CRLF2: variants seen among roughly 807,000 people sequenced by gnomAD.
The protein encoded by CRLF2 is cytokine receptor like factor 2.
Under a neutral mutation model 38.7 loss-of-function variants are expected in CRLF2, and 41 were observed. The observed-to-expected ratio is 1.06, with a 90% confidence interval of 0.83 to 1.37. CRLF2 has a LOEUF of 1.37. CRLF2 is among the 40% of genes most tolerant of loss of function. CRLF2 has a pLI of 0.00. For missense variants in CRLF2, 377 were observed against 322.2 expected (o/e 1.17, Z -1.30); for synonymous variants, 140 against 128.8 (o/e 1.09, Z -0.59).
At chrX:1,196,274 G>A (rs1461387465) in intron 6 of CRLF2, among the ~76,000 whole-genome samples, 3 of 147,120 alleles carry the variant, frequency 2.0e-5, no homozygotes, top group Admixed American at 7.0e-5. Context: ...AGCAAGCTCC[G>A]ACTCCCAGGT....
At chrX:1,192,442 C>G (rs2086400960) in intron 7 of CRLF2, among the ~76,000 whole-genome samples, 2 of 151,208 alleles carry the variant, frequency 1.3e-5, no homozygotes, top group African/African-American at 2.4e-5. Flanking sequence ...GTGAAAAAAC[C>G]CATCTGTACT....
intron 3 of CRLF2, 95 bp from the exon 4 acceptor site, chrX:1,202,630 C>T: frequency 7.4e-7 from 1 of 1,346,302 alleles, no homozygotes; most frequent in South Asian, 1.2e-5. Flanking sequence ...TACCCCTCCT[C>T]CCCTTAATAC....
Position 1,208,738 on chromosome X carries a change from C to T in CRLF2, c.182+68G>A, listed in dbSNP as rs1459266750. ...ACTTTTGTTCTCAAGCATTCCCAATCGCTGACGGCTCAGAAGAGCGATTTT... is the reference window on the plus strand; with the variant it reads ...ACTTTTGTTCTCAAGCATTCCCAATTGCTGACGGCTCAGAAGAGCGATTTT... On this transcript the variant is annotated intron_variant, in intron 2 of 7. Coordinates refer to ENST00000400841, the MANE Select transcript of CRLF2 (RefSeq NM_022148.4). 8.7e-6 allele frequency: 8 copies of T among 918,188 alleles called. No individual in the cohort carries two copies. In the South Asian group the frequency reaches 9.1e-5, roughly 10 times the overall value. The allele number at this position is 918,188 out of a possible 1,614,324, so 56.9% of individuals were successfully genotyped here.
chrX:1,210,860 A>G (rs1273708202), intron 1 of CRLF2, among the ~76,000 whole-genome samples: 14 of 152,146 alleles, frequency 9.2e-5, no homozygotes, highest in African/African-American at 3.4e-4. Flanking sequence ...GTGGAAGACA[A>G]GTGGATGGGT....
chrX:1,209,493 G>A (rs1188020712), intron 1 of CRLF2, among the ~76,000 whole-genome samples: 1 of 150,644 alleles, frequency 6.6e-6, no homozygotes, highest in Non-Finnish European at 1.5e-5. Context: ...CACCATGCCT[G>A]GATAATTTTT....
intron 7 of CRLF2, among the ~76,000 whole-genome samples, 178 bp from the exon 8 acceptor site, chrX:1,191,338 TTTCTTTCC>T (rs1232130583): frequency 0.011 from 1,243 of 111,520 alleles, 72 homozygotes; most frequent in African/African-American, 0.034. Context: ...TCTTTCTTTC[TTTCTTTCC>T]TTCTTTCTTT....
intron 7 of CRLF2, among the ~76,000 whole-genome samples, 177 bp from the exon 8 acceptor site, chrX:1,191,337 C>CTTTCTTTCTTTCTTTCTTTCTTTCTT (rs2086374038): frequency 8.6e-6 from 1 of 115,726 alleles, no homozygotes; most frequent in Admixed American, 9.7e-5. Flanking sequence ...TTCTTTCTTT[C>CTTTCTTTCTTTCTTTCTTTCTTTCTT]TTTCTTTCCT....
At chrX:1,210,529 C>T (rs1248455588) in intron 1 of CRLF2, among the ~76,000 whole-genome samples, 1 of 152,050 alleles carries the variant, frequency 6.6e-6, no homozygotes, top group Admixed American at 6.6e-5. Context: ...CCAGGATGGT[C>T]TCCATCTCCT....
rs537641113 is a variant in CRLF2 at position 1,197,300 on chromosome X, T to A, written c.647-400A>T. Among the ~76,000 whole-genome samples, 131 of 151,420 alleles carry A rather than the reference T, an allele frequency of 8.7e-4. No individual in the cohort carries two copies. In the South Asian group the frequency reaches 0.026, roughly 30 times the overall value. On this transcript the variant is annotated intron_variant, in intron 5 of 7. Coordinates refer to ENST00000400841, the MANE Select transcript of CRLF2 (RefSeq NM_022148.4). ...TAGAGATGGACCTATTTTTTTTTTT[T>A]AATGAATGTTAGTGTCAGCAAATTT...
At chrX:1,196,683 G>A in intron 6 of CRLF2, 97 bp downstream of exon 6, 1 of 1,461,182 alleles carries the variant, frequency 6.8e-7, no homozygotes, top group African/African-American at 1.4e-5. Context: ...CTGAGGCCCA[G>A]GGAAATGACT....
Position 1,198,620 on chromosome X carries a change from TG to T in CRLF2, c.587del (p.Pro196GlnfsTer11). Reference sequence around the variant, plus strand: ...CTGACCAGTCGCTTGGGTATGTGTCTGGCCCATATACATCCTCCATAGCCTT... The same window carrying T: ...CTGACCAGTCGCTTGGGTATGTGTCTGCCCATATACATCCTCCATAGCCTT... ...RVKAMEDVYGPDTYPSDWSEV... is the reference protein window; with the variant it reads ...RVKAMEDVYGXDTYPSDWSEV... On this transcript the variant is annotated frameshift_variant, in exon 5 of 8. Transcript: ENST00000400841. LOFTEE classifies it high-confidence loss of function. 1 of 1,613,728 alleles carries T rather than the reference TG, an allele frequency of 6.2e-7. No homozygotes were observed.
intron 7 of CRLF2, among the ~76,000 whole-genome samples, chrX:1,192,198 C>G (rs1397825279): frequency 9.6e-6 from 1 of 103,648 alleles, no homozygotes; most frequent in African/African-American, 3.5e-5. Flanking sequence ...GAGCGAGACT[C>G]CGTCTCAAAA....
chrX:1,191,257 A>C, intron 7 of CRLF2, 97 bp from the exon 8 acceptor site: 1 of 397,882 alleles, frequency 2.5e-6, no homozygotes, highest in Non-Finnish European at 4.4e-6. Flanking sequence ...ACATCCCTGG[A>C]CATCTTTCTC....
chrX:1,201,848 G>A (rs1456054533), intron 4 of CRLF2, among the ~76,000 whole-genome samples: 1 of 151,620 alleles, frequency 6.6e-6, no homozygotes, highest in Non-Finnish European at 1.5e-5. Flanking sequence ...ATAGAGATAG[G>A]GATGATATAT....
chrX:1,207,573 C>T (rs2086715438), intron 2 of CRLF2, among the ~76,000 whole-genome samples: 2 of 144,574 alleles, frequency 1.4e-5, no homozygotes, highest in African/African-American at 5.1e-5. Flanking sequence ...AAGAACTGCC[C>T]CTTTTACAGA....
intron 6 of CRLF2, among the ~76,000 whole-genome samples, chrX:1,194,902 C>T (rs1335880819): frequency 1.3e-5 from 2 of 151,362 alleles, no homozygotes; most frequent in South Asian, 2.1e-4. Flanking sequence ...TGTGGTGGCG[C>T]GCACCTGTAG....
intron 6 of CRLF2, among the ~76,000 whole-genome samples, chrX:1,195,178 G>C (rs1276806580): frequency 6.6e-6 from 1 of 151,834 alleles, no homozygotes; most frequent in East Asian, 1.9e-4. Flanking sequence ...GGGTGACAGA[G>C]TGAGATTCCG....
At position 1,193,316 on chromosome X, in the gene CRLF2, G is replaced by A. The variant is rs1386868308; in HGVS notation, c.768-14C>T. ...AACTTCTTCACTCTGAAATAGAGACGGAGAGCGTGGTCAGGTCGGCCACAG... is the reference window on the plus strand; with the variant it reads ...AACTTCTTCACTCTGAAATAGAGACAGAGAGCGTGGTCAGGTCGGCCACAG... On this transcript the variant is annotated splice_polypyrimidine_tract_variant and intron_variant, in intron 6 of 7. Coordinates refer to ENST00000400841, the MANE Select transcript of CRLF2 (RefSeq NM_022148.4). The A allele has an allele frequency of 5.3e-5, 21 of 398,564 alleles. No individual in the cohort carries two copies. Among genetic ancestry groups the A allele is most frequent in the South Asian group, 1.3e-4 (1 of 7,860 alleles). The allele number at this position is 398,564 out of a possible 1,614,324, so 24.7% of individuals were successfully genotyped here.
intron 6 of CRLF2, among the ~76,000 whole-genome samples, chrX:1,196,441 A>G (rs1454547989): frequency 6.6e-6 from 1 of 151,898 alleles, no homozygotes; most frequent in Non-Finnish European, 1.5e-5. Flanking sequence ...CTGCCTTGGC[A>G]TCACAAAATA....
Sources: gnomAD v4.1 joint callset for allele counts (sites outside exome capture counted in the v4.1 genomes callset) on GRCh38, gnomAD v4.1.1 for gene constraint, MANE v1.5 for transcripts, NCBI Gene and HGNC (gene_info 2026-07-23, HGNC 2026-07-21) for gene names.